ZNF275: variants seen among roughly 807,000 people sequenced by gnomAD.
ZNF275 encodes the protein zinc finger protein 275.
ZNF275 carries 4 observed loss-of-function variants against 4.3 expected under a neutral mutation model. That is an observed-to-expected ratio of 0.93 (90% CI 0.46 to 2.13). ZNF275 has a LOEUF of 2.13. Ranked by LOEUF, ZNF275 falls within the 30% of genes most tolerant of loss-of-function variation. ZNF275 has a pLI of 0.02. For missense variants in ZNF275, 352 were observed against 397.1 expected (o/e 0.89, Z 0.97); for synonymous variants, 173 against 166.9 (o/e 1.04, Z -0.28).
At position 153,347,592 on chromosome X, in the gene ZNF275, C is replaced by T; in HGVS notation, c.907C>T (p.Arg303Ter). The change falls in exon 4 of 4, where the codon CGA (arginine) becomes TGA (stop). Residue 303 changes from arginine to a stop codon, truncating the protein, a stop_gained. Coordinates refer to ENST00000650114, the MANE Select transcript of ZNF275 (RefSeq NM_001367757.1). LOFTEE classifies it low-confidence loss of function (END_TRUNC). Reference protein sequence around the residue: ...YGCPHCGKLFRRSSELTKHRR... With the variant: ...YGCPHCGKLF ...GTGTCCCCACTGCGGCAAGCTCTTCCGAAGGAGCTCGGAGCTCACCAAGCA... is the reference window on the plus strand; with the variant it reads ...GTGTCCCCACTGCGGCAAGCTCTTCTGAAGGAGCTCGGAGCTCACCAAGCA... The T allele has an allele frequency of 8.4e-7, 1 of 1,194,144 alleles. No homozygotes were observed. Among genetic ancestry groups the T allele is most frequent in the Non-Finnish European group, 1.1e-6 (1 of 887,791 alleles).
At position 153,349,361 on chromosome X, in the gene ZNF275, C is replaced by T. The variant is rs1466107747; in HGVS notation, c.*1386C>T. The T allele has an allele frequency of 8.1e-6, 1 of 123,745 alleles. No individual in the cohort carries two copies. Among genetic ancestry groups the T allele is most frequent in the African/African-American group, 3.2e-5 (1 of 30,881 alleles). 10.2% of individuals were successfully genotyped at this position (123,745 alleles called of 1,213,427 possible). ...TCAATTCCAGAACTGGGGATAGACCCCAGGCCTCCTGACCACCAGTCTCAT... is the reference window on the plus strand; with the variant it reads ...TCAATTCCAGAACTGGGGATAGACCTCAGGCCTCCTGACCACCAGTCTCAT... On this transcript the variant is annotated 3_prime_UTR_variant, in exon 4 of 4. Transcript: ENST00000650114.
chrX:153,341,477 T>C (rs2088479831), intron 2 of ZNF275, among the ~76,000 whole-genome samples: 1 of 112,457 alleles, frequency 8.9e-6, no homozygotes, highest in Non-Finnish European at 1.9e-5. Flanking sequence ...TTTTAAAAGA[T>C]TTAAAAGTGA....
intron 2 of ZNF275, chrX:153,344,174 C>T (rs2088496557): frequency 3.0e-6 from 1 of 328,614 alleles, no homozygotes; most frequent in African/African-American, 2.7e-5. Flanking sequence ...CCCAGGAAAC[C>T]AGGTCCTGGC....
At chrX:153,339,331 G>GCTAACTAAA (rs2088466641) in intron 2 of ZNF275, among the ~76,000 whole-genome samples, 1 of 111,153 alleles carries the variant, frequency 9.0e-6, no homozygotes, top group Non-Finnish European at 1.9e-5. Flanking sequence ...AGTAGACTAT[G>GCTAACTAAA]ACGGGGACTA....
At chrX:153,336,805 T>C (rs2088449400) in intron 2 of ZNF275, 95 bp downstream of exon 2, 2 of 959,654 alleles carry the variant, frequency 2.1e-6, no homozygotes, top group Non-Finnish European at 1.5e-6. Flanking sequence ...TGGTGAGGAG[T>C]ATCGTTTTGG....
chrX:153,344,432 C>T (rs1001664123), intron 2 of ZNF275: 1 of 266,456 alleles, frequency 3.8e-6, no homozygotes, highest in Non-Finnish European at 7.1e-6. Context: ...GAGTTTCCAT[C>T]CAGGAAAGTG....
Position 153,352,723 on chromosome X carries a change from G to A in ZNF275, c.*4748G>A. On this transcript the variant is annotated 3_prime_UTR_variant, in exon 4 of 4. Coordinates refer to ENST00000650114, the MANE Select transcript of ZNF275 (RefSeq NM_001367757.1). Reference sequence around the variant, plus strand: ...TCTCATTCCCCCATCTCATTACCTTGTCTGTTTTCTGGCACTCACTATAAT... The same window carrying A: ...TCTCATTCCCCCATCTCATTACCTTATCTGTTTTCTGGCACTCACTATAAT... 9.0e-6 allele frequency: 1 copy of A among 111,195 alleles called. No homozygotes were observed. Among genetic ancestry groups the A allele is most frequent in the East Asian group, 2.8e-4 (1 of 3,544 alleles). The allele number at this position is 111,195 out of a possible 1,213,427, so 9.2% of individuals were successfully genotyped here.
intron 1 of ZNF275, among the ~76,000 whole-genome samples, chrX:153,334,808 G>A (rs375624088): frequency 8.3e-5 from 9 of 108,193 alleles, no homozygotes; most frequent in African/African-American, 3.0e-4. Context: ...GAGCTGGGAG[G>A]GTGGGCCAGG....
chrX:153,339,569 A>G (rs1356481811), intron 2 of ZNF275, among the ~76,000 whole-genome samples: 1 of 110,793 alleles, frequency 9.0e-6, no homozygotes, highest in Non-Finnish European at 1.9e-5. Flanking sequence ...AGTCCCAGCT[A>G]CTCAGGAGGC....
At chrX:153,336,781 G>C (rs781900074) in intron 2 of ZNF275, 71 bp downstream of exon 2, 1 of 1,075,869 alleles carries the variant, frequency 9.3e-7, no homozygotes, top group East Asian at 3.3e-5. Flanking sequence ...GACCCTATAG[G>C]TGGGGTTACA....
In ZNF275 at chrX:153,349,557, G is replaced by A. The variant is rs1157670456; in HGVS notation, c.*1582G>A. 1 of 123,421 alleles carries A rather than the reference G, an allele frequency of 8.1e-6. No homozygotes were observed. The highest frequency in any genetic ancestry group is 3.6e-4 in the South Asian group (1 of 2,746). The allele number at this position is 123,421 out of a possible 1,213,427, so 10.2% of individuals were successfully genotyped here. A position where few individuals can be genotyped will look rare whatever the true frequency, so the allele number is the denominator to read the frequency against. ...TTCCAATTTTATTGCTTTGCTTTTT[G>A]TAGCAGTTTTATTACGTTTTTGTTG... On this transcript the variant is annotated 3_prime_UTR_variant, in exon 4 of 4. Coordinates refer to ENST00000650114, the MANE Select transcript of ZNF275 (RefSeq NM_001367757.1).
chrX:153,336,440 C>T (rs1352473817), intron 1 of ZNF275, among the ~76,000 whole-genome samples, 194 bp from the exon 2 acceptor site: 1 of 112,913 alleles, frequency 8.9e-6, no homozygotes, highest in Non-Finnish European at 1.9e-5. Context: ...GAAGGCCAGG[C>T]TCAGCGTGGC....
Position 153,348,517 on chromosome X carries a change from T to C in ZNF275, c.*542T>C, listed in dbSNP as rs2088536527. 8.1e-6 allele frequency: 1 copy of C among 122,986 alleles called. No individual in the cohort carries two copies. Among genetic ancestry groups the C allele is most frequent in the African/African-American group, 3.3e-5 (1 of 30,688 alleles). The allele number at this position is 122,986 out of a possible 1,213,427, so 10.1% of individuals were successfully genotyped here. On this transcript the variant is annotated 3_prime_UTR_variant, in exon 4 of 4. Coordinates refer to ENST00000650114, the MANE Select transcript of ZNF275 (RefSeq NM_001367757.1). ...CATATTATATAAAATAATATATTAA[T>C]TTAGAAAATACCCCATTTTTGCCAC...
At chrX:153,342,266 A>C (rs1235630855) in intron 2 of ZNF275, among the ~76,000 whole-genome samples, 2 of 112,054 alleles carry the variant, frequency 1.8e-5, no homozygotes, top group African/African-American at 6.5e-5. Context: ...CACCTCCAGA[A>C]GTTCCATTTG....
At position 153,347,619 on chromosome X, in the gene ZNF275, C is replaced by T. The variant is rs376522493; in HGVS notation, c.934C>T (p.Arg312Trp). The T allele has an allele frequency of 2.9e-4, 344 of 1,198,712 alleles. No individual in the cohort carries two copies. The highest frequency in any genetic ancestry group is 4.2e-4 in the East Asian group (14 of 33,458). The change falls in exon 4 of 4, where the codon CGG becomes TGG. Residue 312 changes from arginine (R) to tryptophan (W), a missense_variant. By Grantham distance (101) the Arg-to-Trp change is moderately radical. Transcript: ENST00000650114. ...AAGGAGCTCGGAGCTCACCAAGCACCGGCGGATCCACACGGGCGAGAAGCC... is the reference window on the plus strand; with the variant it reads ...AAGGAGCTCGGAGCTCACCAAGCACTGGCGGATCCACACGGGCGAGAAGCC... ...FRRSSELTKH[R>W]RIHTGEKPYA...
chrX:153,347,985 G>A lies in ZNF275; in HGVS notation c.*10G>A, dbSNP rs782058402. Reference sequence around the variant, plus strand: ...AACCCACCACGAGTAGAAACGCCCTGTGGTCCCGCGGGACAGGGACGGAGT... The same window carrying A: ...AACCCACCACGAGTAGAAACGCCCTATGGTCCCGCGGGACAGGGACGGAGT... On this transcript the variant is annotated 3_prime_UTR_variant, in exon 4 of 4. Transcript: ENST00000650114. 68 of 1,103,186 alleles carry A rather than the reference G, an allele frequency of 6.2e-5. No homozygotes were observed. The African/African-American group carries it at 9.3e-4, about 15-fold the overall frequency. The allele number at this position is 1,103,186 out of a possible 1,213,427, so 90.9% of individuals were successfully genotyped here. A position where few individuals can be genotyped will look rare whatever the true frequency, so the allele number is the denominator to read the frequency against.
At chrX:153,346,543 T>C (rs1290437962) in intron 3 of ZNF275, among the ~76,000 whole-genome samples, 1 of 111,966 alleles carries the variant, frequency 8.9e-6, no homozygotes, top group Non-Finnish European at 1.9e-5. Context: ...CTCTTGGGGT[T>C]GAGGTTAGGG....
In ZNF275 at chrX:153,347,073, G is replaced by C. The variant is rs1443580042; in HGVS notation, c.388G>C (p.Glu130Gln). The C allele has an allele frequency of 5.0e-6, 6 of 1,209,711 alleles. No homozygotes were observed. In the African/African-American group the frequency reaches 5.3e-5, roughly 11 times the overall value. Residue 130 changes from glutamate to glutamine, a missense_variant, in exon 4 of 4, where the codon GAA becomes CAA. Physicochemically the swap from Glu to Gln is conservative, Grantham distance 29. Transcript: ENST00000650114. Reference protein sequence around the residue: ...QRVHSEEKGWECGDCGKVFRG... With the variant: ...QRVHSEEKGWQCGDCGKVFRG... The stretch of plus-strand genomic sequence containing the variant: ...AGTCCACAGTGAGGAGAAGGGCTGG[G>C]AATGTGGCGACTGCGGGAAGGTCTT...
intron 1 of ZNF275, among the ~76,000 whole-genome samples, chrX:153,334,497 A>C (rs1356955939): frequency 9.0e-6 from 1 of 110,860 alleles, no homozygotes; most frequent in East Asian, 2.9e-4. Flanking sequence ...GTCTCTGGGC[A>C]GTTGGAGAGC....
Sources: allele counts gnomAD v4.1 joint callset (sites outside exome capture counted in the v4.1 genomes callset), GRCh38; gene constraint gnomAD v4.1.1; transcripts MANE v1.5; gene names NCBI Gene and HGNC (gene_info 2026-07-23, HGNC 2026-07-21).